The following SLC12A7 variants were observed in gnomAD, a reference collection of about 807,000 sequenced individuals.
SLC12A7 encodes the protein solute carrier family 12 member 7, also known as K-Cl cotransporter 4.
A neutral mutation model predicts 120.6 loss-of-function variants in SLC12A7; 100 were observed. That is an observed-to-expected ratio of 0.83 (90% confidence interval 0.71 to 0.98). SLC12A7 has a LOEUF of 0.98. Ranked by LOEUF, SLC12A7 falls within the 50% of genes least tolerant of loss-of-function variation. SLC12A7 has a pLI of 0.00. For synonymous variants in SLC12A7, 760 were observed against 678.0 expected (o/e 1.12, Z -1.88); for missense variants, 1,373 against 1,548.1 (o/e 0.89, Z 1.90).
intron 3 of SLC12A7, among the ~76,000 whole-genome samples, chr5:1,091,740 G>A (rs967045929): frequency 4.0e-5 from 6 of 151,392 alleles, no homozygotes; most frequent in Admixed American, 6.6e-5. Context: ...CGTGCGGCAC[G>A]GCAATACCCA....
intron 20 of SLC12A7, among the ~76,000 whole-genome samples, chr5:1,063,550 C>T (rs1736543628): frequency 6.6e-6 from 1 of 152,156 alleles, no homozygotes; most frequent in Non-Finnish European, 1.5e-5. Flanking sequence ...GATTCCAAAA[C>T]CAAGCCTCCT....
chr5:1,154,245 G>A, the SLC12A7 span, among the ~76,000 whole-genome samples: 1 of 151,842 alleles, frequency 6.6e-6, no homozygotes, highest in Non-Finnish European at 1.5e-5. Context: ...CAAAGCGTGT[G>A]TGTCCACAAC....
chr5:1,108,295 A>G (rs977754324), intron 1 of SLC12A7, among the ~76,000 whole-genome samples: 1 of 152,194 alleles, frequency 6.6e-6, no homozygotes, highest in Non-Finnish European at 1.5e-5. Context: ...GCGCAGGAGG[A>G]AGCACAGGCC....
chr5:1,138,277 C>A, the SLC12A7 span, among the ~76,000 whole-genome samples: 1 of 152,152 alleles, frequency 6.6e-6, no homozygotes, highest in Non-Finnish European at 1.5e-5. Flanking sequence ...CAGGGCAGGG[C>A]GGCTTTTATT....
chr5:1,089,207 C>T, intron 3 of SLC12A7, 79 bp from the exon 4 acceptor site: 1 of 1,526,378 alleles, frequency 6.6e-7, no homozygotes, highest in Non-Finnish European at 8.8e-7. Flanking sequence ...GCACTCAGGC[C>T]CTGGGCAGGC....
the SLC12A7 span, among the ~76,000 whole-genome samples, chr5:1,149,393 A>C: frequency 6.6e-6 from 1 of 152,030 alleles, no homozygotes; most frequent in East Asian, 1.9e-4. Context: ...CCTGGCCAAC[A>C]TGGCGAAACC....
At chr5:1,154,390 CAG>C in the SLC12A7 span, among the ~76,000 whole-genome samples, 1 of 151,160 alleles carries the variant, frequency 6.6e-6, no homozygotes, top group East Asian at 1.9e-4. Flanking sequence ...CACACACACA[CAG>C]AGACACATAC....
chr5:1,079,204 C>G (rs1738721051), intron 10 of SLC12A7, among the ~76,000 whole-genome samples, 194 bp downstream of exon 10: 1 of 152,232 alleles, frequency 6.6e-6, no homozygotes, highest in South Asian at 2.1e-4. Context: ...GATCGCATCA[C>G]ACAGTGGTGA....
the SLC12A7 span, among the ~76,000 whole-genome samples, chr5:1,129,715 G>C: frequency 1.3e-5 from 2 of 151,696 alleles, no homozygotes; most frequent in African/African-American, 4.9e-5. Context: ...AAAGTCACAG[G>C]GGTCACCCTG....
intron 1 of SLC12A7, among the ~76,000 whole-genome samples, chr5:1,102,947 C>T (rs1408916266): frequency 1.3e-5 from 2 of 152,184 alleles, no homozygotes; most frequent in Non-Finnish European, 2.9e-5. Context: ...CTCCCAACCC[C>T]ACTGCCTGGA....
chr5:1,109,640 A>G (rs1180677623), intron 1 of SLC12A7, among the ~76,000 whole-genome samples: 1 of 151,370 alleles, frequency 6.6e-6, no homozygotes, highest in East Asian at 1.9e-4. Context: ...CGAGCCAGGC[A>G]GCCCGGGCAG....
At chr5:1,098,144 CAACCCTCTGCAAGCCCAGCCCCCCTCT>C (rs1561101067) in intron 1 of SLC12A7, among the ~76,000 whole-genome samples, 14 of 64,788 alleles carry the variant, frequency 2.2e-4, no homozygotes, top group African/African-American at 9.8e-4. Context: ...CCAGCCCCCA[CAACCCTCTGCAAGCCCAGCCCCCCTCT>C]AACCCTCTGC....
chr5:1,057,679 C>T (rs1735770904), intron 21 of SLC12A7, 30 bp from the exon 22 acceptor site: 19 of 1,574,850 alleles, frequency 1.2e-5, no homozygotes, highest in Non-Finnish European at 1.6e-5. Context: ...GTGAGACCAG[C>T]CGGTCTCAAA....
upstream of SLC12A7, among the ~76,000 whole-genome samples, chr5:1,114,423 T>C (rs1474052346): frequency 6.6e-6 from 1 of 152,140 alleles, no homozygotes; most frequent in Non-Finnish European, 1.5e-5. Flanking sequence ...CAGAAGCCGC[T>C]GCAGGCCCCT....
chr5:1,062,547 T>TG (rs1400208055), intron 20 of SLC12A7, among the ~76,000 whole-genome samples: 1 of 152,114 alleles, frequency 6.6e-6, no homozygotes, highest in Non-Finnish European at 1.5e-5. Flanking sequence ...ACAGGACAAC[T>TG]GAGTTCCACG....
intron 1 of SLC12A7, 66 bp downstream of exon 1, chr5:1,111,802 G>C (rs1219688761): frequency 8.4e-7 from 1 of 1,186,052 alleles, no homozygotes; most frequent in Non-Finnish European, 1.0e-6. Flanking sequence ...TCCGCTCCCG[G>C]ATGCCGGGCC....
chr5:1,117,359 C>G, the SLC12A7 span, among the ~76,000 whole-genome samples: 2,131 of 152,300 alleles, frequency 0.014, 22 homozygotes, highest in African/African-American at 0.025. This position sits in a 1 kb window ranked among gnomAD's most constrained non-coding sequence, Gnocchi z 4.5. Flanking sequence ...GTTCTGACCT[C>G]CAAGCTGTCC....
At chr5:1,131,677 C>T in the SLC12A7 span, among the ~76,000 whole-genome samples, 1 of 152,232 alleles carries the variant, frequency 6.6e-6, no homozygotes, top group Admixed American at 6.5e-5. Context: ...GCTGCTGGGA[C>T]TGAGACCCTG....
chr5:1,093,050 C>G (rs1740700732), intron 3 of SLC12A7, among the ~76,000 whole-genome samples: 1 of 152,182 alleles, frequency 6.6e-6, no homozygotes, highest in South Asian at 2.1e-4. Context: ...CCCTCGTTTC[C>G]TAGGACGGAT....
Sources: allele counts gnomAD v4.1 joint callset (sites outside exome capture counted in the v4.1 genomes callset), GRCh38; gene constraint gnomAD v4.1.1; non-coding constraint Gnocchi (gnomAD v3.1); transcripts MANE v1.5; gene names NCBI Gene and HGNC (gene_info 2026-07-23, HGNC 2026-07-21).